The following UNC80 variants were observed in gnomAD, a reference collection of about 807,000 sequenced individuals.
UNC80 encodes unc-80 subunit of NALCN channel complex.
In UNC80, 164 loss-of-function variants were observed where a neutral mutation model predicts 384.6. The ratio of observed to expected loss-of-function variants is 0.43; its 90% CI spans 0.38 to 0.49. UNC80 has a LOEUF of 0.49. Ranked by LOEUF, UNC80 falls within the 20% of genes least tolerant of loss-of-function variation. The pLI, the probability that UNC80 is intolerant of heterozygous loss-of-function variation, is 0.00. For missense variants in UNC80, 3,330 were observed against 4,143.0 expected, an observed-to-expected ratio of 0.80 and a Z score of 5.39; for synonymous variants, 1,486 against 1,527.8, an observed-to-expected ratio of 0.97 and a Z score of 0.64.
rs1356183010 is a variant in UNC80 at position 209,773,240 on chromosome 2, T to C, written c.141+98T>C. On this transcript the variant is annotated intron_variant, in intron 2 of 64. Transcript: ENST00000673920. ...AATCAAACGGACTATATATATTAAT[T>C]CACTTGGCAAATATTATTGATCACC... The C allele has an allele frequency of 1.7e-5, 18 of 1,030,782 alleles. No individual in the cohort carries two copies. In the East Asian group the frequency reaches 4.6e-4, roughly 26 times the overall value. The allele number at this position is 1,030,782 out of a possible 1,614,324, so 63.9% of individuals were successfully genotyped here.
At chr2:209,845,933 T>A (rs2082133696) in intron 21 of UNC80, among the ~76,000 whole-genome samples, 1 of 151,752 alleles carries the variant, frequency 6.6e-6, no homozygotes, top group Admixed American at 6.6e-5. Flanking sequence ...TTCCTTCCTT[T>A]CTTTCCTTCT....
intron 21 of UNC80, chr2:209,845,099 A>G (rs1262290707): frequency 6.6e-6 from 1 of 151,990 alleles, no homozygotes; most frequent in South Asian, 2.1e-4. Context: ...AAAAAAAAAA[A>G]AAAGGAGGAG....
intron 13 of UNC80, among the ~76,000 whole-genome samples, chr2:209,824,757 A>G (rs1232487455): frequency 1.3e-5 from 2 of 152,150 alleles, no homozygotes; most frequent in Non-Finnish European, 2.9e-5. Context: ...AGGGGAGGAG[A>G]AAGTCAACCT....
At chr2:209,906,132 G>A (rs1397744361) in intron 29 of UNC80, among the ~76,000 whole-genome samples, 2 of 152,148 alleles carry the variant, frequency 1.3e-5, no homozygotes, top group African/African-American at 4.8e-5. Flanking sequence ...GTTTGGCCTG[G>A]GGAGGGGGTA....
chr2:209,870,223 AT>A lies in UNC80; in HGVS notation c.3628-2533del, dbSNP rs368264410. Among the ~76,000 whole-genome samples, 67 of 152,238 alleles carry A rather than the reference AT, an allele frequency of 4.4e-4. No individual in the cohort carries two copies. In the East Asian group the frequency reaches 8.3e-3, roughly 19 times the overall value. ...TTCTGTCATTAAGCTTTGAATCCAC[AT>A]TGCTTTATATTGGCAATGTGTCATA... On this transcript the variant is annotated intron_variant, in intron 22 of 64. Coordinates refer to ENST00000673920, the MANE Select transcript of UNC80 (RefSeq NM_001371986.1).
chr2:209,939,974 G>A (rs1019246808), intron 43 of UNC80, among the ~76,000 whole-genome samples: 6 of 152,104 alleles, frequency 3.9e-5, no homozygotes, highest in Non-Finnish European at 5.9e-5. Flanking sequence ...CACAGATTGC[G>A]GGGCCCCACG....
intron 16 of UNC80, among the ~76,000 whole-genome samples, chr2:209,832,833 C>T (rs1476200603): frequency 2.0e-5 from 3 of 152,156 alleles, no homozygotes; most frequent in Non-Finnish European, 4.4e-5. Flanking sequence ...CCCATAAGAA[C>T]AGTGGGACAT....
At chr2:209,780,463 T>G (rs2077094397) in intron 4 of UNC80, among the ~76,000 whole-genome samples, 1 of 152,184 alleles carries the variant, frequency 6.6e-6, no homozygotes, top group South Asian at 2.1e-4. Context: ...GTTTGAGAGA[T>G]GTCTGGTTTT....
chr2:209,913,692 A>C, intron 30 of UNC80, 110 bp from the exon 31 acceptor site: 2 of 1,124,560 alleles, frequency 1.8e-6, no homozygotes, highest in Non-Finnish European at 1.2e-6. Context: ...AAAGCATTTT[A>C]AGGTCACTTA....
intron 61 of UNC80, among the ~76,000 whole-genome samples, chr2:209,988,735 C>T (rs1223562512): frequency 1.3e-5 from 2 of 152,050 alleles, no homozygotes; most frequent in East Asian, 3.9e-4. Flanking sequence ...AAATTACTTC[C>T]TTGCATTTCA....
chr2:209,999,020 C>A lies in UNC80; in HGVS notation c.*3425C>A, dbSNP rs1210164560. The A allele has an allele frequency of 2.6e-5, 4 of 152,192 alleles. No individual in the cohort carries two copies. The highest frequency in any genetic ancestry group is 4.4e-5 in the Non-Finnish European group (3 of 68,032). The allele number at this position is 152,192 out of a possible 1,614,324, so 9.4% of individuals were successfully genotyped here. On this transcript the variant is annotated 3_prime_UTR_variant, in exon 65 of 65. Coordinates refer to ENST00000673920, the MANE Select transcript of UNC80 (RefSeq NM_001371986.1). ...ATTATTTTATGATCATTTAGGATTACAGATCAATTTACCTCCATAAATCTT... is the reference window on the plus strand; with the variant it reads ...ATTATTTTATGATCATTTAGGATTAAAGATCAATTTACCTCCATAAATCTT...
At chr2:209,990,167 C>T (rs1455675736) in intron 61 of UNC80, among the ~76,000 whole-genome samples, 1 of 152,168 alleles carries the variant, frequency 6.6e-6, no homozygotes, top group Non-Finnish European at 1.5e-5. Context: ...TATGTTTTGA[C>T]ATTTAACACT....
Position 209,896,322 on chromosome 2 carries a change from C to T in UNC80, c.4490C>T (p.Pro1497Leu). Residue 1497 changes from proline (P) to leucine (L), a missense_variant, in exon 28 of 65, where the codon CCT becomes CTT. Pro to Leu is a moderately conservative substitution (Grantham distance 98, BLOSUM62 -3). Coordinates refer to ENST00000673920, the MANE Select transcript of UNC80 (RefSeq NM_001371986.1). ...RDTVTDLEGS[P>L]WSASEPSIEP... ...TATTTTTCTTTTGAAGAAGGGAGTC[C>T]TTGGAGTGCAAGCGAGCCCAGCATT... The T allele has an allele frequency of 2.6e-6, 4 of 1,551,554 alleles. No individual in the cohort carries two copies. The highest frequency in any genetic ancestry group is 3.5e-6 in the Non-Finnish European group (4 of 1,146,912).
chr2:209,989,643 A>G (rs892814920), intron 61 of UNC80, among the ~76,000 whole-genome samples: 32 of 152,320 alleles, frequency 2.1e-4, no homozygotes, highest in South Asian at 6.2e-4. Flanking sequence ...AACTGGACAT[A>G]ACATAGAGAG....
At chr2:209,941,045 A>C (rs1375089629) in intron 43 of UNC80, among the ~76,000 whole-genome samples, 176 bp from the exon 44 acceptor site, 3 of 152,194 alleles carry the variant, frequency 2.0e-5, no homozygotes, top group Non-Finnish European at 4.4e-5. Flanking sequence ...TCATGGAGAA[A>C]AGGAAGTGCT....
chr2:209,923,798 G>C (rs936478236), intron 35 of UNC80, among the ~76,000 whole-genome samples: 1 of 151,708 alleles, frequency 6.6e-6, no homozygotes, highest in African/African-American at 2.4e-5. Context: ...CATCTTATTT[G>C]TGTCCTTGAA....
chr2:209,926,771 A>G, intron 35 of UNC80, 72 bp from the exon 36 acceptor site: 1 of 1,518,720 alleles, frequency 6.6e-7, no homozygotes, highest in South Asian at 1.3e-5. Flanking sequence ...GTGAGACCCT[A>G]TCTCAAAACA....
chr2:209,965,875 C>G (rs1383727229), intron 51 of UNC80, among the ~76,000 whole-genome samples: 1 of 151,382 alleles, frequency 6.6e-6, no homozygotes, highest in Non-Finnish European at 1.5e-5. Flanking sequence ...TCTTTCAACC[C>G]TAAGATTCCA....
chr2:209,834,156 C>A lies in UNC80; in HGVS notation c.2930C>A (p.Ala977Glu). The change falls in exon 17 of 65, where the codon GCA becomes GAA. Residue 977 changes from alanine to glutamate, a missense_variant. Physicochemically the swap from Ala to Glu is moderately radical, Grantham distance 107. Transcript: ENST00000673920. ...GAGAATGAACAGGAATCTAAGCCTG[C>A]AGGCAGTAAAAGGTTGGAAGCTTGA... The part of the protein sequence containing the change: ...VEENEQESKP[A>E]GSKRSEAGSI... The A allele has an allele frequency of 2.6e-6, 4 of 1,551,476 alleles. No individual in the cohort carries two copies. In the African/African-American group the frequency reaches 4.1e-5, roughly 16 times the overall value.
Sources: allele counts gnomAD v4.1 joint callset (sites outside exome capture counted in the v4.1 genomes callset), GRCh38; gene constraint gnomAD v4.1.1; transcripts MANE v1.5; gene names NCBI Gene and HGNC (gene_info 2026-07-23, HGNC 2026-07-21).